TENM3: variants seen among roughly 807,000 people sequenced by gnomAD.
TENM3 encodes teneurin-3.
TENM3 carries 63 observed loss-of-function variants against 255.1 expected under a neutral mutation model. The ratio of observed to expected loss-of-function variants is 0.25; its 90% CI spans 0.20 to 0.30. The LOEUF is 0.30. Among genes scored for constraint, TENM3 ranks in the 10% least tolerant of loss-of-function variants. The probability of loss-of-function intolerance (pLI) is 1.00; values close to 1 mark genes in which losing one functional copy is unlikely to be tolerated. For missense variants in TENM3, 2,929 were observed against 3,461.1 expected (o/e 0.85, Z 3.86); for synonymous variants, 1,306 against 1,322.3 (o/e 0.99, Z 0.27).
chr4:181,654,564 G>C, the TENM3 span, among the ~76,000 whole-genome samples: 1 of 151,940 alleles, frequency 6.6e-6, no homozygotes, highest in Non-Finnish European at 1.5e-5. Context: ...GACCAGCCTG[G>C]CCAACATGGT....
the TENM3 span, among the ~76,000 whole-genome samples, chr4:181,474,112 G>A: frequency 1.3e-5 from 2 of 151,950 alleles, no homozygotes; most frequent in African/African-American, 4.8e-5. Context: ...GGTGAACAAT[G>A]AGAACACATG....
At chr4:181,633,416 C>CA in the TENM3 span, among the ~76,000 whole-genome samples, 2 of 152,118 alleles carry the variant, frequency 1.3e-5, no homozygotes, top group Non-Finnish European at 2.9e-5. Flanking sequence ...GTGCACCTGA[C>CA]ATTGAATTTT....
chr4:181,998,273 C>T, the TENM3 span, among the ~76,000 whole-genome samples: 2 of 152,138 alleles, frequency 1.3e-5, no homozygotes, highest in African/African-American at 4.8e-5. Context: ...CTGGTAATGA[C>T]TTTGCCAACC....
At position 182,437,753 on chromosome 4, in the gene TENM3, G is replaced by A. The variant is rs778683095; in HGVS notation, c.511+90824G>A. ...GCAGAGGTTGCAGTGAGGTGAGATCGCACCACCGCACTTCAGCCTGGATGA... is the reference window on the plus strand; with the variant it reads ...GCAGAGGTTGCAGTGAGGTGAGATCACACCACCGCACTTCAGCCTGGATGA... On this transcript the variant is annotated intron_variant, in intron 3 of 27. Transcript: ENST00000511685. Among the ~76,000 whole-genome samples the A allele has an allele frequency of 6.0e-5, 9 of 151,048 alleles. No individual in the cohort carries two copies. In the East Asian group the frequency reaches 9.8e-4, roughly 16 times the overall value.
intron 1 of TENM3, among the ~76,000 whole-genome samples, chr4:182,199,734 T>TC (rs1279705906): frequency 6.7e-6 from 1 of 148,334 alleles, no homozygotes; most frequent in Admixed American, 6.7e-5. Flanking sequence ...TTTTTTTTTT[T>TC]TTTTTTTTTG....
At chr4:182,569,769 C>A (rs1247618537) in intron 3 of TENM3, among the ~76,000 whole-genome samples, 1 of 152,058 alleles carries the variant, frequency 6.6e-6, no homozygotes, top group Non-Finnish European at 1.5e-5. Flanking sequence ...CACAGTGGAA[C>A]CAGGCAACAT....
the TENM3 span, among the ~76,000 whole-genome samples, chr4:182,073,907 T>C: frequency 6.6e-6 from 1 of 152,108 alleles, no homozygotes; most frequent in Admixed American, 6.6e-5. Context: ...CAAAAGCACC[T>C]CAAGATCATC....
chr4:182,067,594 A>G, the TENM3 span, among the ~76,000 whole-genome samples: 8 of 152,186 alleles, frequency 5.3e-5, no homozygotes, highest in African/African-American at 1.7e-4. Flanking sequence ...GCTGCAAAGG[A>G]TAGAGGAAAC....
At chr4:181,631,008 T>G in the TENM3 span, among the ~76,000 whole-genome samples, 1 of 152,202 alleles carries the variant, frequency 6.6e-6, no homozygotes, top group South Asian at 2.1e-4. Context: ...ATAAGTGAGC[T>G]GGGTTCTCTG....
chr4:182,082,400 T>G, the TENM3 span, among the ~76,000 whole-genome samples: 2 of 152,178 alleles, frequency 1.3e-5, no homozygotes, highest in Non-Finnish European at 2.9e-5. Flanking sequence ...TTTCTACATA[T>G]GAATTTTCAG....
At chr4:181,607,899 A>T in the TENM3 span, among the ~76,000 whole-genome samples, 9 of 152,174 alleles carry the variant, frequency 5.9e-5, no homozygotes, top group Admixed American at 2.0e-4. Context: ...TCTATCAGGA[A>T]TTTTCAAAGC....
intron 3 of TENM3, among the ~76,000 whole-genome samples, chr4:182,411,412 C>G (rs1159434871): frequency 6.6e-6 from 1 of 152,020 alleles, no homozygotes; most frequent in Non-Finnish European, 1.5e-5. Context: ...GAGAGAGGAC[C>G]CAAGAGGTTC....
At chr4:181,997,991 T>C in the TENM3 span, among the ~76,000 whole-genome samples, 2 of 152,192 alleles carry the variant, frequency 1.3e-5, no homozygotes, top group Non-Finnish European at 2.9e-5. Context: ...TTCTTCTAGA[T>C]TCTTATAGTT....
chr4:181,932,257 GCTAT>G, the TENM3 span, among the ~76,000 whole-genome samples: 3 of 152,110 alleles, frequency 2.0e-5, no homozygotes, highest in Non-Finnish European at 4.4e-5. Flanking sequence ...GAAAATTTTT[GCTAT>G]CTATCCATCT....
the TENM3 span, among the ~76,000 whole-genome samples, chr4:182,093,705 T>C: frequency 6.6e-6 from 1 of 151,992 alleles, no homozygotes; most frequent in Non-Finnish European, 1.5e-5. Context: ...CCAGAAAGGC[T>C]AAGAAGGGGC....
At chr4:181,459,741 T>G in the TENM3 span, among the ~76,000 whole-genome samples, 1 of 151,986 alleles carries the variant, frequency 6.6e-6, no homozygotes, top group East Asian at 1.9e-4. Context: ...AATTTTGAAT[T>G]AGGTACCACA....
At chr4:181,616,500 A>T in the TENM3 span, among the ~76,000 whole-genome samples, 1 of 148,852 alleles carries the variant, frequency 6.7e-6, no homozygotes, top group Non-Finnish European at 1.5e-5. Context: ...CATTATCCAT[A>T]TAATATTATA....
intron 3 of TENM3, among the ~76,000 whole-genome samples, chr4:182,347,527 C>T (rs903308028): frequency 1.3e-5 from 2 of 152,032 alleles, no homozygotes; most frequent in African/African-American, 2.4e-5. Context: ...TCTTTGGGGA[C>T]TGGATTACTA....
At chr4:182,777,543 A>ATTTTTTTT (rs1561238758) in intron 24 of TENM3, among the ~76,000 whole-genome samples, 2 of 34,920 alleles carry the variant, frequency 5.7e-5, no homozygotes, top group Admixed American at 3.7e-4. Context: ...GTGTGTGTGT[A>ATTTTTTTT]TTTCTTTTTT....
Sources: allele counts gnomAD v4.1 joint callset (sites outside exome capture counted in the v4.1 genomes callset), GRCh38; gene constraint gnomAD v4.1.1; transcripts MANE v1.5; gene names NCBI Gene and HGNC (gene_info 2026-07-23, HGNC 2026-07-21).